The following DOCK6 variants were observed in gnomAD, a reference collection of about 807,000 sequenced individuals.
DOCK6 encodes dedicator of cytokinesis 6.
Under a neutral mutation model 230.3 loss-of-function variants are expected in DOCK6, and 167 were observed. That is an observed-to-expected ratio of 0.73 (90% CI 0.64 to 0.82). DOCK6 has a LOEUF of 0.82. Ranked by LOEUF, DOCK6 falls within the 40% of genes least tolerant of loss-of-function variation. DOCK6 has a pLI of 0.00. For missense variants in DOCK6, 2,598 were observed against 2,825.8 expected, an observed-to-expected ratio of 0.92 and a Z score of 1.83; for synonymous variants, 1,148 against 1,185.0, an observed-to-expected ratio of 0.97 and a Z score of 0.64.
chr19:11,226,690 A>G, intron 24 of DOCK6, among the ~76,000 whole-genome samples: 1 of 152,160 alleles, frequency 6.6e-6, no homozygotes, highest in East Asian at 1.9e-4. Context: ...AAATGATACG[A>G]TCCACATAAA....
rs1256568375 is a variant in DOCK6, at chr19:11,202,776, T to C, written c.5236-67A>G. Reference sequence around the variant, plus strand: ...GCTGGAGGTCTCCCTGCCCCAGAGATAGGTGTCTCGAATATCAGGATGGGA... The same window carrying C: ...GCTGGAGGTCTCCCTGCCCCAGAGACAGGTGTCTCGAATATCAGGATGGGA... On this transcript the variant is annotated intron_variant, in intron 41 of 47. Transcript: ENST00000294618. This position sits in a 1 kb window ranked among gnomAD's most constrained non-coding sequence, Gnocchi z 5.3. 6.2e-6 allele frequency: 10 copies of C among 1,603,896 alleles called. No individual in the cohort carries two copies. The highest frequency in any genetic ancestry group is 7.6e-6 in the Non-Finnish European group (9 of 1,179,266).
Position 11,213,249 on chromosome 19 carries a change from C to T in DOCK6, c.4418G>A (p.Arg1473His), listed in dbSNP as rs762849197. The T allele has an allele frequency of 1.3e-5, 21 of 1,612,262 alleles. No individual in the cohort carries two copies. The highest frequency in any genetic ancestry group is 7.7e-5 in the South Asian group (7 of 91,086). ...CLRLLRHCGS[R>H]ISTIRTHASA... ...GGCGTGCGTGCGGATGGTGCTGATG[C>T]GGCTGCCACAGTGTCGTAGGAGCCT... is the stretch of plus-strand genomic sequence containing the variant. Residue 1473 changes from arginine (R) to histidine (H), a missense_variant, in exon 35 of 48, where the codon CGC becomes CAC. Physicochemically the swap from Arg to His is conservative, Grantham distance 29. Transcript: ENST00000294618.
chr19:11,235,895 TTTTG>T, intron 20 of DOCK6, 136 bp from the exon 21 acceptor site: 2 of 1,252,770 alleles, frequency 1.6e-6, no homozygotes, highest in Non-Finnish European at 2.1e-6. Flanking sequence ...TTTTTTTTTT[TTTTG>T]AGATGGAGTC....
At chr19:11,259,343 T>C (rs1389358033) in intron 1 of DOCK6, among the ~76,000 whole-genome samples, 1 of 152,000 alleles carries the variant, frequency 6.6e-6, no homozygotes, top group Non-Finnish European at 1.5e-5. Flanking sequence ...TTTGTAGTTT[T>C]TGGTATGAAT....
At chr19:11,247,996 G>C in intron 7 of DOCK6, 70 bp downstream of exon 7, 5 of 1,372,736 alleles carry the variant, frequency 3.6e-6, no homozygotes, top group Non-Finnish European at 4.1e-6. Flanking sequence ...TACTCATGTA[G>C]TGTGTACCCC....
rs370509820 is a variant in DOCK6 at position 11,250,870 on chromosome 19, C to T, written c.720+4G>A. On this transcript the variant is annotated splice_donor_region_variant and intron_variant, in intron 6 of 47. Coordinates refer to ENST00000294618, the MANE Select transcript of DOCK6 (RefSeq NM_020812.4). ...TTGGCTGATATCTGGGAAGGGGCAC[C>T]CACCTCGTCAGGTGCCGGGTAGAGG... The T allele has an allele frequency of 3.9e-5, 62 of 1,591,800 alleles. 1 individual carries two copies. The South Asian group carries it at 5.5e-4, about 14-fold the overall frequency.
chr19:11,238,462 GTA>G (rs1461632245), intron 14 of DOCK6, 158 bp from the exon 15 acceptor site: 1 of 647,470 alleles, frequency 1.5e-6, no homozygotes, highest in Non-Finnish European at 2.7e-6. Flanking sequence ...GGTAATACAG[GTA>G]TCAGTCAGGA....
chr19:11,208,471 G>C (rs1306188634), intron 39 of DOCK6: 2 of 520,988 alleles, frequency 3.8e-6, no homozygotes, highest in Non-Finnish European at 6.5e-6. Context: ...AGTAGAGACA[G>C]GGTTTCACCA....
At position 11,214,565 on chromosome 19, in the gene DOCK6, C is replaced by G; in HGVS notation, c.4191G>C (p.Glu1397Asp). 1 of 1,613,936 alleles carries G rather than the reference C, an allele frequency of 6.2e-7. No homozygotes were observed. The highest frequency in any genetic ancestry group is 8.5e-7 in the Non-Finnish European group (1 of 1,179,884). ...GATCAAGCCCTACCTGCACGATGATCTCCAGTGTGTCCAGAACCACTAGGC... is the reference window on the plus strand; with the variant it reads ...GATCAAGCCCTACCTGCACGATGATGTCCAGTGTGTCCAGAACCACTAGGC... ...EASLVVLDTL[E>D]IIVQTVMLSE... Residue 1397 changes from glutamate to aspartate, a missense_variant, in exon 33 of 48, where the codon GAG becomes GAC. Coordinates refer to ENST00000294618, the MANE Select transcript of DOCK6 (RefSeq NM_020812.4).
Position 11,202,481 on chromosome 19 carries a change from C to G in DOCK6, c.5364G>C (p.Glu1788Asp), listed in dbSNP as rs1253696353. ...CGTCGCCAAATCTCTCCGTGTAGAA[C>G]TCCTGGAGACACAGGGCTGACTCGG... ...KLAEISHRLE[E>D]FYTERFGDDV... The change falls in exon 43 of 48, where the codon GAG (glutamate) becomes GAC (aspartate). Residue 1788 changes from glutamate to aspartate, a missense_variant and splice_region_variant. Transcript: ENST00000294618. This position sits in a 1 kb window ranked among gnomAD's most constrained non-coding sequence, Gnocchi z 5.3. 1.2e-6 allele frequency: 2 copies of G among 1,613,188 alleles called. No homozygotes were observed. Among genetic ancestry groups the G allele is most frequent in the African/African-American group, 2.7e-5 (2 of 74,926 alleles).
Position 11,259,881 on chromosome 19 carries a change from C to CTTTTTTTTTTTTTTTT in DOCK6, c.44+2500_44+2515dup, listed in dbSNP as rs1205836383. 5.9e-5 allele frequency among the ~76,000 whole-genome samples: 4 copies of CTTTTTTTTTTTTTTTT among 67,780 alleles called. 1 individual carries two copies. The highest frequency in any genetic ancestry group is 1.2e-4 in the African/African-American group (2 of 16,766). 44.5% of individuals were successfully genotyped at this position (67,780 alleles called of 152,430 possible). Reference sequence around the variant, plus strand: ...ACAGACCTGGGCCGCCGCGCCCGGCCTTTTTTTTTTTTTTTTTTTTGAGAC... The same window carrying CTTTTTTTTTTTTTTTT: ...ACAGACCTGGGCCGCCGCGCCCGGCCTTTTTTTTTTTTTTTTTTTTTTTTTTTTTTTTTTTTGAGAC... On this transcript the variant is annotated intron_variant, in intron 1 of 47. Coordinates refer to ENST00000294618, the MANE Select transcript of DOCK6 (RefSeq NM_020812.4).
intron 39 of DOCK6, chr19:11,208,435 C>T (rs1024785260): frequency 1.1e-5 from 4 of 362,436 alleles, no homozygotes; most frequent in Admixed American, 4.1e-5. Context: ...CGTGCGCCAC[C>T]ACGCCCGGCT....
In DOCK6 at chr19:11,221,932, C is replaced by G; in HGVS notation, c.3469G>C (p.Val1157Leu). Residue 1157 changes from valine (V) to leucine (L), a missense_variant, in exon 28 of 48, where the codon GTG (valine) becomes CTG (leucine). By Grantham distance (32) the Val-to-Leu change is conservative. Coordinates refer to ENST00000294618, the MANE Select transcript of DOCK6 (RefSeq NM_020812.4). ...DTDPRYAEAT[V>L]KARVAELYLP... ...TACAGCTCGGCCACACGAGCCTTCA[C>G]AGTGGCCTCGGCGTAGCGGGGGTCA... 1 of 1,613,748 alleles carries G rather than the reference C, an allele frequency of 6.2e-7. No individual in the cohort carries two copies. The highest frequency in any genetic ancestry group is 8.5e-7 in the Non-Finnish European group (1 of 1,179,898).
At chr19:11,255,861 A>G (rs62131083) in intron 1 of DOCK6, among the ~76,000 whole-genome samples, 2,551 of 152,174 alleles carry the variant, frequency 0.017, 31 homozygotes, top group South Asian at 0.03. Context: ...ATCTCGGCTC[A>G]CTGCAAGCTC....
chr19:11,260,885 A>AAAAAGAAAAAAAAAAAG (rs1555698776), intron 1 of DOCK6, among the ~76,000 whole-genome samples: 2 of 127,254 alleles, frequency 1.6e-5, no homozygotes, highest in African/African-American at 6.0e-5. Flanking sequence ...TCTGTCTCAA[A>AAAAAGAAAAAAAAAAAG]AAAAAAAAAA....
intron 14 of DOCK6, chr19:11,239,473 G>A (rs931142511): frequency 1.2e-6 from 1 of 864,182 alleles, no homozygotes; most frequent in South Asian, 1.8e-5. Context: ...ATCCCGGCGT[G>A]GCCTAGCCGG....
rs1406107144 is a variant in DOCK6, at chr19:11,200,010, C to T, written c.6101+298G>A. On this transcript the variant is annotated intron_variant, in intron 47 of 47. Coordinates refer to ENST00000294618, the MANE Select transcript of DOCK6 (RefSeq NM_020812.4). This position sits in a 1 kb window ranked among gnomAD's most constrained non-coding sequence, Gnocchi z 4.3. ...CTAAAAATACAAAACATTAGCCAGG[C>T]GTGGTGGCAGATGCCTGTAATCCCA... is the stretch of plus-strand genomic sequence containing the variant. Among the ~76,000 whole-genome samples, 2 of 151,982 alleles carry T rather than the reference C, an allele frequency of 1.3e-5. No individual in the cohort carries two copies. The highest frequency in any genetic ancestry group is 2.9e-5 in the Non-Finnish European group (2 of 68,008).
chr19:11,240,362 C>T (rs1273734880), intron 14 of DOCK6: 15 of 1,447,016 alleles, frequency 1.0e-5, no homozygotes, highest in Admixed American at 2.8e-5. Flanking sequence ...GCTTCTGCAC[C>T]TTGAGTCCCA....
At chr19:11,251,164 C>G in intron 5 of DOCK6, 78 bp from the exon 6 acceptor site, 1 of 1,399,618 alleles carries the variant, frequency 7.1e-7, no homozygotes, top group South Asian at 1.2e-5. Context: ...TGTCCTCATA[C>G]TCATTCTAGA....
Sources: allele counts gnomAD v4.1 joint callset (sites outside exome capture counted in the v4.1 genomes callset), GRCh38; gene constraint gnomAD v4.1.1; non-coding constraint Gnocchi (gnomAD v3.1); transcripts MANE v1.5; gene names NCBI Gene and HGNC (gene_info 2026-07-23, HGNC 2026-07-21).